KIF26B: variants seen among roughly 807,000 people sequenced by gnomAD.
KIF26B encodes kinesin family member 26B.
A neutral mutation model predicts 151.2 loss-of-function variants in KIF26B; 63 were observed. The ratio of observed to expected loss-of-function variants is 0.42; its 90% CI spans 0.34 to 0.51. KIF26B has a LOEUF of 0.51. KIF26B is among the 20% of genes least tolerant of loss of function. KIF26B has a pLI of 0.07. For missense variants in KIF26B, 2,813 were observed against 2,913.6 expected (o/e 0.97, Z 0.79); for synonymous variants, 1,357 against 1,262.1 (o/e 1.08, Z -1.59).
At chr1:245,162,437 G>A (rs1025161706) in intron 2 of KIF26B, among the ~76,000 whole-genome samples, 1 of 124,970 alleles carries the variant, frequency 8.0e-6, no homozygotes, top group Non-Finnish European at 1.6e-5. Flanking sequence ...CCAGGCTGGA[G>A]TACAGTGGCG....
intron 4 of KIF26B, among the ~76,000 whole-genome samples, chr1:245,466,085 C>G (rs1435893584): frequency 2.0e-5 from 3 of 152,250 alleles, no homozygotes; most frequent in African/African-American, 7.2e-5. Context: ...AATGCCCAAA[C>G]ACACCAAATG....
chr1:245,472,239 C>T (rs949783704), intron 4 of KIF26B, among the ~76,000 whole-genome samples: 2 of 152,200 alleles, frequency 1.3e-5, no homozygotes, highest in Non-Finnish European at 2.9e-5. Context: ...TACAGAAACA[C>T]ACAGCGCCTT....
At chr1:245,262,398 C>A (rs1480228181) in intron 2 of KIF26B, among the ~76,000 whole-genome samples, 1 of 152,092 alleles carries the variant, frequency 6.6e-6, no homozygotes, top group Non-Finnish European at 1.5e-5. Flanking sequence ...TTTTTAATTT[C>A]TTTTCCAGGT....
At chr1:245,331,261 A>C (rs370616513) in intron 2 of KIF26B, among the ~76,000 whole-genome samples, 303 of 152,178 alleles carry the variant, frequency 2.0e-3, no homozygotes, top group African/African-American at 6.7e-3. Context: ...TCCCAGCGCC[A>C]CGGTGCCAAG....
At chr1:245,309,477 G>A (rs898473121) in intron 2 of KIF26B, among the ~76,000 whole-genome samples, 2 of 151,948 alleles carry the variant, frequency 1.3e-5, no homozygotes, top group Non-Finnish European at 2.9e-5. Flanking sequence ...AAGGCTGCCA[G>A]CCTTTGGGAT....
chr1:245,433,719 G>A (rs1313802799), intron 4 of KIF26B, among the ~76,000 whole-genome samples: 1 of 152,080 alleles, frequency 6.6e-6, no homozygotes, highest in Non-Finnish European at 1.5e-5. Flanking sequence ...GCATCACATG[G>A]CAATTAGATG....
intron 3 of KIF26B, among the ~76,000 whole-genome samples, chr1:245,395,938 G>T (rs6672656): frequency 0.23 from 35,560 of 151,774 alleles, 6,427 homozygotes; most frequent in African/African-American, 0.51. Context: ...TGTAGAACAG[G>T]GGGGGAAATT....
rs898399865 is a variant in KIF26B, at chr1:245,156,449, C to G, written c.231C>G (p.Ser77=). The change falls in exon 2 of 15, where the codon TCC becomes TCG. Residue 77 remains serine, a synonymous_variant. Coordinates refer to ENST00000407071, the MANE Select transcript of KIF26B (RefSeq NM_018012.4). ...CGTCTCCCGGCTCGGGCACCTCGTCCCCGAGCTCGTTCACCGGCTCCCCGG... is the reference window on the plus strand; with the variant it reads ...CGTCTCCCGGCTCGGGCACCTCGTCGCCGAGCTCGTTCACCGGCTCCCCGG... ...GTPSPGSGTS[S]PSSFTGSPGP... is the part of the protein sequence containing the mutation. 2 of 1,527,518 alleles carry G rather than the reference C, an allele frequency of 1.3e-6. No homozygotes were observed. The highest frequency in any genetic ancestry group is 2.8e-5 in the African/African-American group (2 of 70,886). The allele number at this position is 1,527,518 out of a possible 1,614,324, so 94.6% of individuals were successfully genotyped here.
At chr1:245,187,640 C>A (rs1669022787) in intron 2 of KIF26B, among the ~76,000 whole-genome samples, 1 of 152,150 alleles carries the variant, frequency 6.6e-6, no homozygotes, top group Non-Finnish European at 1.5e-5. Flanking sequence ...TCTCAGTACA[C>A]CCACCTGTAC....
At chr1:245,503,767 G>A (rs922502615) in intron 4 of KIF26B, among the ~76,000 whole-genome samples, 3 of 152,324 alleles carry the variant, frequency 2.0e-5, no homozygotes, top group Non-Finnish European at 1.5e-5. Flanking sequence ...CGGCGTTGCC[G>A]CAGGGTGGCT....
intron 4 of KIF26B, among the ~76,000 whole-genome samples, chr1:245,444,850 G>T (rs1309543925): frequency 6.6e-6 from 1 of 152,202 alleles, no homozygotes; most frequent in African/African-American, 2.4e-5. Flanking sequence ...AAGTGCCACA[G>T]ATTCCAAAAT....
At position 245,540,539 on chromosome 1, in the gene KIF26B, CCTG is replaced by C. The variant is rs760495177; in HGVS notation, c.1167-225_1167-223del. The C allele has an allele frequency of 2.7e-5, 19 of 697,282 alleles. No homozygotes were observed. Among genetic ancestry groups the C allele is most frequent in the Non-Finnish European group, 3.7e-5 (14 of 381,240 alleles). The allele number at this position is 697,282 out of a possible 1,614,324, so 43.2% of individuals were successfully genotyped here. On this transcript the variant is annotated intron_variant, in intron 4 of 14. Transcript: ENST00000407071. The surrounding 1 kb of genome is among the most constrained non-coding windows in gnomAD (Gnocchi z 4.6). The stretch of plus-strand genomic sequence containing the variant: ...TCTTTGTAAATCGTGATTGCAGAAT[CCTG>C]CTATTTTATGGCTTTGTTTTTCCTT...
rs753209406 is a variant in KIF26B at position 245,419,607 on chromosome 1, G to A, written c.1028G>A (p.Arg343Gln). 2.0e-5 allele frequency: 32 copies of A among 1,612,396 alleles called. No individual in the cohort carries two copies. Among genetic ancestry groups the A allele is most frequent in the Admixed American group, 1.8e-4 (11 of 59,864 alleles). ...TCCCAGCTGATGACAGAGAGTAGCC[G>A]GGAGGGACTAACAGAAGCAGTGCTG... Reference protein sequence around the residue: ...QISQLMTESSREGLTEAVLNR... With the variant: ...QISQLMTESSQEGLTEAVLNR... The change falls in exon 4 of 15, where the codon CGG (arginine) becomes CAG (glutamine). Residue 343 changes from arginine (R) to glutamine (Q), a missense_variant. Arg to Gln is a conservative substitution (Grantham distance 43, BLOSUM62 1). Transcript: ENST00000407071.
rs1201295945 is a variant in KIF26B, at chr1:245,688,371, C to T, written c.5388C>T (p.Ala1796=). 1 of 1,543,424 alleles carries T rather than the reference C, an allele frequency of 6.5e-7. No homozygotes were observed. The highest frequency in any genetic ancestry group is 8.7e-7 in the Non-Finnish European group (1 of 1,153,498). The change falls in exon 12 of 15, where the codon GCC becomes GCT. Residue 1796 remains alanine, a synonymous_variant. Transcript: ENST00000407071. ...GCAGGAACAGGAGCTCGGGCCTGGC[C>T]TCCAAGCTTCCCCTGCGGGCCGTCA... ...SLSRNRSSGL[A]SKLPLRAVSG...
intron 2 of KIF26B, among the ~76,000 whole-genome samples, chr1:245,199,303 C>CCCCTCCCTCCT (rs147219059): frequency 3.3e-5 from 5 of 152,000 alleles, no homozygotes; most frequent in South Asian, 2.1e-4. Context: ...CATATATACT[C>CCCCTCCCTCCT]CCCTCCCTCC....
intron 2 of KIF26B, among the ~76,000 whole-genome samples, chr1:245,323,894 G>T (rs938374535): frequency 6.6e-6 from 1 of 151,756 alleles, no homozygotes. Context: ...GGTGGAGGTG[G>T]GGTGGTCCTG....
rs1014654587 is a variant in KIF26B at position 245,358,424 on chromosome 1, G to T, written c.466-8410G>T. Among the ~76,000 whole-genome samples, 2 of 152,148 alleles carry T rather than the reference G, an allele frequency of 1.3e-5. No homozygotes were observed. Among genetic ancestry groups the T allele is most frequent in the African/African-American group, 4.8e-5 (2 of 41,430 alleles). On this transcript the variant is annotated intron_variant, in intron 2 of 14. Coordinates refer to ENST00000407071, the MANE Select transcript of KIF26B (RefSeq NM_018012.4). This position sits in a 1 kb window ranked among gnomAD's most constrained non-coding sequence, Gnocchi z 4.1. ...AGTCCCAGCTACTCGGGAGGCTGAGGCAGGAGAATGGTGTGAACCTGGGAG... is the reference window on the plus strand; with the variant it reads ...AGTCCCAGCTACTCGGGAGGCTGAGTCAGGAGAATGGTGTGAACCTGGGAG...
At chr1:245,236,379 G>A (rs1670110962) in intron 2 of KIF26B, among the ~76,000 whole-genome samples, 1 of 152,078 alleles carries the variant, frequency 6.6e-6, no homozygotes, top group African/African-American at 2.4e-5. Context: ...CTCTAAAATG[G>A]GAATAAATGT....
At chr1:245,411,980 C>A (rs895577859) in intron 3 of KIF26B, among the ~76,000 whole-genome samples, 6 of 152,096 alleles carry the variant, frequency 3.9e-5, no homozygotes, top group African/African-American at 1.4e-4. Context: ...TTGATCCGGG[C>A]GTGCATTGTT....
Sources: allele counts gnomAD v4.1 joint callset (sites outside exome capture counted in the v4.1 genomes callset), GRCh38; gene constraint gnomAD v4.1.1; non-coding constraint Gnocchi (gnomAD v3.1); transcripts MANE v1.5; gene names NCBI Gene and HGNC (gene_info 2026-07-23, HGNC 2026-07-21).